Variants in PACC1 observed in about 807,000 individuals in gnomAD.
PACC1 encodes proton-activated chloride channel.
A neutral mutation model predicts 39.7 loss-of-function variants in PACC1; 34 were observed. That is an observed-to-expected ratio of 0.86 (90% CI 0.65 to 1.14). The LOEUF (loss-of-function observed/expected upper bound fraction) is 1.14. Ranked by LOEUF, PACC1 falls within the 50% of genes most tolerant of loss-of-function variation. The pLI is 0.00. For missense variants in PACC1, 379 were observed against 436.4 expected, an observed-to-expected ratio of 0.87 and a Z score of 1.17; for synonymous variants, 127 against 160.6, an observed-to-expected ratio of 0.79 and a Z score of 1.58.
chr1:212,372,302 C>A (rs1183024221), intron 7 of PACC1, among the ~76,000 whole-genome samples: 2 of 145,854 alleles, frequency 1.4e-5, no homozygotes. Context: ...AAACAAAAAA[C>A]AAAAAACAAA....
In PACC1 at chr1:212,385,339, G is replaced by C. The variant is rs752497227; in HGVS notation, c.430C>G (p.Pro144Ala). 5.0e-6 allele frequency: 8 copies of C among 1,613,990 alleles called. No homozygotes were observed. Among genetic ancestry groups the C allele is most frequent in the Non-Finnish European group, 6.8e-6 (8 of 1,180,020 alleles). Residue 144 changes from proline (P) to alanine (A), a missense_variant, in exon 4 of 8, where the codon CCG (proline) becomes GCG (alanine). Physicochemically the swap from Pro to Ala is conservative, Grantham distance 27. Transcript: ENST00000261455. Reference sequence around the variant, plus strand: ...TGGGTGGTGCAATTCATGTCACCCGGCTGGCCAGGGCTTGTCAGAGGAGGA... The same window carrying C: ...TGGGTGGTGCAATTCATGTCACCCGCCTGGCCAGGGCTTGTCAGAGGAGGA... ...VIPPLTSPGQ[P>A]GDMNCTTQRI...
At chr1:212,391,886 T>C (rs1214560077) in intron 2 of PACC1, among the ~76,000 whole-genome samples, 2 of 151,818 alleles carry the variant, frequency 1.3e-5, no homozygotes, top group South Asian at 2.1e-4. Flanking sequence ...AAGAGAAGTT[T>C]AGAGAAAAAA....
chr1:212,406,856 T>G (rs1661937933), intron 2 of PACC1, among the ~76,000 whole-genome samples: 1 of 152,214 alleles, frequency 6.6e-6, no homozygotes, highest in Non-Finnish European at 1.5e-5. Context: ...GGCCACCTCC[T>G]GATTTACCTG....
At position 212,396,606 on chromosome 1, in the gene PACC1, A is replaced by G. The variant is rs540745016; in HGVS notation, c.134-9506T>C. Among the ~76,000 whole-genome samples the G allele has an allele frequency of 1.1e-4, 15 of 136,222 alleles. No homozygotes were observed. The East Asian group carries it at 1.9e-3, about 17-fold the overall frequency. 89.4% of individuals were successfully genotyped at this position (136,222 alleles called of 152,430 possible). ...AATAAAAATATACATATACATATTG[A>G]AAAAAAAGAAATCTGAAAAAAAAAT... On this transcript the variant is annotated intron_variant, in intron 2 of 7. Coordinates refer to ENST00000261455, the MANE Select transcript of PACC1 (RefSeq NM_018252.3).
chr1:212,391,452 A>G (rs1050447360), intron 2 of PACC1, among the ~76,000 whole-genome samples: 2 of 152,226 alleles, frequency 1.3e-5, no homozygotes, highest in Non-Finnish European at 2.9e-5. Context: ...CATCACTATC[A>G]TCAAAGACCA....
At chr1:212,407,804 G>A (rs1046654378) in intron 2 of PACC1, among the ~76,000 whole-genome samples, 2 of 152,174 alleles carry the variant, frequency 1.3e-5, no homozygotes, top group East Asian at 3.9e-4. Context: ...GCCAGGTGCG[G>A]TGGCCCACGC....
intron 7 of PACC1, among the ~76,000 whole-genome samples, chr1:212,371,784 T>C (rs555434381): frequency 1.3e-5 from 2 of 152,184 alleles, no homozygotes; most frequent in East Asian, 3.9e-4. Context: ...CTCAACAAAG[T>C]ATCAGCCAAC....
intron 7 of PACC1, among the ~76,000 whole-genome samples, chr1:212,370,448 G>A (rs1303267690): frequency 1.3e-5 from 2 of 152,204 alleles, no homozygotes; most frequent in East Asian, 1.9e-4. Flanking sequence ...CAGCCTGGGC[G>A]ACAGAACGAG....
chr1:212,400,376 A>T lies in PACC1; in HGVS notation c.133+10049T>A, dbSNP rs539938772. On this transcript the variant is annotated intron_variant, in intron 2 of 7. Coordinates refer to ENST00000261455, the MANE Select transcript of PACC1 (RefSeq NM_018252.3). ...CATAAAACAAGAAGATCACATGCCAATTCTATCACTGCAATTCATCTGGGA... is the reference window on the plus strand; with the variant it reads ...CATAAAACAAGAAGATCACATGCCATTTCTATCACTGCAATTCATCTGGGA... Among the ~76,000 whole-genome samples, 8 of 152,332 alleles carry T rather than the reference A, an allele frequency of 5.3e-5. 1 individual carries two copies. In the South Asian group the frequency reaches 1.4e-3, roughly 28 times the overall value.
chr1:212,394,675 A>T (rs934967797), intron 2 of PACC1, among the ~76,000 whole-genome samples: 6 of 152,216 alleles, frequency 3.9e-5, no homozygotes, highest in Admixed American at 3.9e-4. Flanking sequence ...ATGACTGTAT[A>T]TCTAGAAAAC....
At chr1:212,375,071 G>A in intron 7 of PACC1, 122 bp downstream of exon 7, 1 of 693,694 alleles carries the variant, frequency 1.4e-6, no homozygotes, top group Non-Finnish European at 2.4e-6. Context: ...AGACTTATCA[G>A]TCTACAAGAA....
At chr1:212,402,347 A>G (rs1661748307) in intron 2 of PACC1, among the ~76,000 whole-genome samples, 1 of 152,236 alleles carries the variant, frequency 6.6e-6, no homozygotes, top group Non-Finnish European at 1.5e-5. Context: ...TTTAAAAATT[A>G]TAACCATCCT....
intron 2 of PACC1, among the ~76,000 whole-genome samples, chr1:212,409,558 A>G (rs1365344393): frequency 1.3e-5 from 2 of 152,204 alleles, no homozygotes; most frequent in Non-Finnish European, 2.9e-5. Flanking sequence ...CTGAAGTTCA[A>G]CTGCGTTAAG....
At position 212,379,867 on chromosome 1, in the gene PACC1, A is replaced by AAGCC. The variant is rs769169366; in HGVS notation, c.638+24_638+27dup. The AAGCC allele has an allele frequency of 7.4e-6, 12 of 1,613,166 alleles. No individual in the cohort carries two copies. The African/African-American group carries it at 1.6e-4, about 22-fold the overall frequency. ...TGGAATAAGATAAAAAGTAGACAGTAAGCCCACTGTGAACTCTAAAAGCCC... is the reference window on the plus strand; with the variant it reads ...TGGAATAAGATAAAAAGTAGACAGTAAGCCAGCCCACTGTGAACTCTAAAAGCCC... On this transcript the variant is annotated intron_variant, in intron 5 of 7. Transcript: ENST00000261455.
intron 5 of PACC1, 34 bp from the exon 6 acceptor site, chr1:212,377,740 C>A: frequency 6.2e-7 from 1 of 1,610,050 alleles, no homozygotes; most frequent in South Asian, 1.1e-5. Context: ...AGATCCAGGT[C>A]AATGCAGGTC....
intron 2 of PACC1, 24 bp downstream of exon 2, chr1:212,410,401 C>G (rs778835150): frequency 5.6e-6 from 9 of 1,610,052 alleles, no homozygotes; most frequent in African/African-American, 1.3e-5. Context: ...AGCAACAGCA[C>G]AGCAAAGCAC....
chr1:212,396,754 G>A (rs1268170040), intron 2 of PACC1, among the ~76,000 whole-genome samples: 2 of 146,156 alleles, frequency 1.4e-5, no homozygotes, highest in Non-Finnish European at 3.0e-5. Flanking sequence ...AAGTGCTAAT[G>A]TAAAGAAAAG....
intron 2 of PACC1, among the ~76,000 whole-genome samples, chr1:212,398,483 A>G (rs2102524303): frequency 6.6e-6 from 1 of 152,296 alleles, no homozygotes; most frequent in East Asian, 1.9e-4. Flanking sequence ...AAATTTCCAG[A>G]ACTGTCAGTG....
At chr1:212,376,379 A>C (rs1660666336) in intron 6 of PACC1, among the ~76,000 whole-genome samples, 1 of 152,222 alleles carries the variant, frequency 6.6e-6, no homozygotes, top group African/African-American at 2.4e-5. Context: ...AAAGACTTCC[A>C]ATTTAGACAG....
Sources: gnomAD v4.1 joint callset for allele counts (sites outside exome capture counted in the v4.1 genomes callset) on GRCh38, gnomAD v4.1.1 for gene constraint, MANE v1.5 for transcripts, NCBI Gene and HGNC (gene_info 2026-07-23, HGNC 2026-07-21) for gene names.